CAST: variants seen among roughly 807,000 people sequenced by gnomAD.
CAST encodes MIR583 host.
In CAST, 76 loss-of-function variants were observed where a neutral mutation model predicts 119.6. The ratio of observed to expected loss-of-function variants is 0.64; its 90% CI spans 0.53 to 0.77. The LOEUF (loss-of-function observed/expected upper bound fraction) is 0.77. CAST is among the 30% of genes least tolerant of loss of function. CAST has a pLI of 0.00. For missense variants in CAST, 953 were observed against 946.5 expected (o/e 1.01, Z -0.09); for synonymous variants, 319 against 331.6 (o/e 0.96, Z 0.41).
intron 1 of CAST, among the ~76,000 whole-genome samples, chr5:96,533,348 G>A (rs1439623930): frequency 2.0e-5 from 3 of 152,136 alleles, no homozygotes; most frequent in Non-Finnish European, 4.4e-5. Context: ...CTCTGGATTA[G>A]AGCTCAGAGA....
At chr5:96,267,929 A>G in the CAST span, among the ~76,000 whole-genome samples, 1,173 of 152,304 alleles carry the variant, frequency 7.7e-3, 6 homozygotes, top group Non-Finnish European at 0.012. Context: ...TGTAGGAGGT[A>G]TGGAGTTAAA....
Position 96,746,383 on chromosome 5 carries a change from T to C in CAST, c.1242T>C (p.Asp414=). Residue 414 remains aspartate (D), a synonymous_variant, in exon 17 of 32, where the codon GAT becomes GAC. Transcript: ENST00000675179. ...AAAAACTAGAGAAGTGTGGTGAGGA[T>C]GATGAAACAATCCCATCTGAGTACA... ...KEEKLEKCGE[D]DETIPSEYRL... is the part of the protein sequence containing the mutation. The C allele has an allele frequency of 6.2e-7, 1 of 1,612,850 alleles. No individual in the cohort carries two copies. The highest frequency in any genetic ancestry group is 2.2e-5 in the East Asian group (1 of 44,886).
chr5:96,109,046 G>C, the CAST span, among the ~76,000 whole-genome samples: 1 of 152,254 alleles, frequency 6.6e-6, no homozygotes, highest in Non-Finnish European at 1.5e-5. Context: ...GACCCCTTGC[G>C]CTTTCTGAGT....
chr5:96,627,755 T>G lies in CAST; in HGVS notation c.61-47784T>G, dbSNP rs1300275143. On this transcript the variant is annotated intron_variant, in intron 1 of 11. Coordinates refer to the CAST transcript ENST00000505143. ...GGAAGATGAGAGAAGGAGAGGAACC[T>G]AGATAGGTAATTGGTTCTTCACGTC... Among the ~76,000 whole-genome samples the G allele has an allele frequency of 4.6e-5, 7 of 152,372 alleles. No homozygotes were observed. In the East Asian group the frequency reaches 1.2e-3, roughly 25 times the overall value.
the CAST span, among the ~76,000 whole-genome samples, chr5:96,415,331 C>A: frequency 6.6e-6 from 1 of 152,112 alleles, no homozygotes; most frequent in Non-Finnish European, 1.5e-5. Flanking sequence ...GTACTCAAGG[C>A]CTATCCAGTG....
intron 1 of CAST, among the ~76,000 whole-genome samples, chr5:96,560,776 T>C (rs1402062531): frequency 3.3e-5 from 5 of 152,118 alleles, no homozygotes; most frequent in African/African-American, 1.2e-4. Flanking sequence ...AGTTCAACCA[T>C]TGTGGAAGTC....
the CAST span, among the ~76,000 whole-genome samples, chr5:96,444,148 TAA>T: frequency 6.6e-6 from 1 of 152,208 alleles, no homozygotes; most frequent in Non-Finnish European, 1.5e-5. Context: ...ATGGAGCTTG[TAA>T]AGACTAACTG....
the CAST span, among the ~76,000 whole-genome samples, chr5:96,376,674 C>A: frequency 6.6e-6 from 1 of 152,198 alleles, no homozygotes; most frequent in Non-Finnish European, 1.5e-5. Context: ...CTCTTGACCT[C>A]AAGTGATCTG....
At chr5:96,119,925 T>C in the CAST span, among the ~76,000 whole-genome samples, 1 of 152,330 alleles carries the variant, frequency 6.6e-6, no homozygotes. Context: ...ACCAGGATTA[T>C]GTTTTTATCT....
At chr5:96,286,735 A>G in the CAST span, among the ~76,000 whole-genome samples, 1 of 152,108 alleles carries the variant, frequency 6.6e-6, no homozygotes, top group East Asian at 1.9e-4. Flanking sequence ...CTGAAATCCA[A>G]TTTATGGTCT....
intron 13 of CAST, 143 bp downstream of exon 13, chr5:96,740,926 G>T (rs1009246889): frequency 7.7e-6 from 5 of 650,140 alleles, no homozygotes; most frequent in Non-Finnish European, 1.4e-5. Flanking sequence ...TCAGAGAAAG[G>T]GGTTGGTGGG....
upstream of CAST, among the ~76,000 whole-genome samples, chr5:96,657,145 T>G (rs930804471): frequency 6.6e-6 from 1 of 152,120 alleles, no homozygotes; most frequent in Non-Finnish European, 1.5e-5. Flanking sequence ...CAAAGAGAGG[T>G]GACCTTAGGC....
chr5:96,424,490 C>A, the CAST span, among the ~76,000 whole-genome samples: 1 of 152,142 alleles, frequency 6.6e-6, no homozygotes, highest in African/African-American at 2.4e-5. Flanking sequence ...ATTCTACTTT[C>A]CAATATCTCT....
At chr5:96,021,971 G>T in the CAST span, among the ~76,000 whole-genome samples, 1 of 152,168 alleles carries the variant, frequency 6.6e-6, no homozygotes, top group African/African-American at 2.4e-5. Flanking sequence ...AAGAAGGATG[G>T]TTACATCTGT....
At chr5:96,113,369 C>A in the CAST span, among the ~76,000 whole-genome samples, 3 of 152,194 alleles carry the variant, frequency 2.0e-5, no homozygotes, top group African/African-American at 7.2e-5. Context: ...TAAGTGGGAA[C>A]AACAAACAGA....
chr5:95,997,707 C>A, the CAST span, among the ~76,000 whole-genome samples: 2 of 152,130 alleles, frequency 1.3e-5, no homozygotes, highest in Admixed American at 1.3e-4. Flanking sequence ...CAGATGACAT[C>A]TTTTCCAGGA....
the CAST span, among the ~76,000 whole-genome samples, chr5:96,031,749 G>A: frequency 3.3e-5 from 5 of 152,060 alleles, no homozygotes; most frequent in Non-Finnish European, 5.9e-5. Context: ...CTGTATGATA[G>A]AAACCTATAC....
the CAST span, among the ~76,000 whole-genome samples, chr5:96,362,521 C>G: frequency 6.6e-6 from 1 of 152,158 alleles, no homozygotes; most frequent in East Asian, 1.9e-4. Context: ...TGAATGATTG[C>G]CATTCTAACT....
the CAST span, chr5:96,416,117 C>T: frequency 1.2e-5 from 19 of 1,605,010 alleles, no homozygotes; most frequent in East Asian, 4.5e-5. Flanking sequence ...CATCTGGTCC[C>T]GTGTCTGAGG....
Sources: gnomAD v4.1 joint callset for allele counts (sites outside exome capture counted in the v4.1 genomes callset) on GRCh38, gnomAD v4.1.1 for gene constraint, MANE v1.5 for transcripts, NCBI Gene and HGNC (gene_info 2026-07-23, HGNC 2026-07-21) for gene names.